PKNOX2: variants seen among roughly 807,000 people sequenced by gnomAD.
PKNOX2 encodes PBX/knotted 1 homeobox 2, also known as homeobox protein PKNOX2.
Under a neutral mutation model 53.1 loss-of-function variants are expected in PKNOX2, and 14 were observed. That is an observed-to-expected ratio of 0.26 (90% CI 0.17 to 0.41). The LOEUF is 0.41. PKNOX2 is among the 10% of genes least tolerant of loss of function. The probability of loss-of-function intolerance (pLI) is 1.00; values close to 1 mark genes in which losing one functional copy is unlikely to be tolerated. For missense variants in PKNOX2, 496 were observed against 602.8 expected (o/e 0.82, Z 1.85); for synonymous variants, 257 against 242.8 (o/e 1.06, Z -0.54).
chr11:125,332,992 C>A (rs1236705279), intron 3 of PKNOX2, among the ~76,000 whole-genome samples: 2 of 152,124 alleles, frequency 1.3e-5, no homozygotes, highest in African/African-American at 4.8e-5. Context: ...TGGCTCCTCG[C>A]GGTGGAAGCT....
intron 2 of PKNOX2, among the ~76,000 whole-genome samples, chr11:125,316,067 G>A (rs1949165454): frequency 6.6e-6 from 1 of 152,204 alleles, no homozygotes; most frequent in South Asian, 2.1e-4. Flanking sequence ...AAGGATGGAG[G>A]ACGGACCCAG....
intron 2 of PKNOX2, among the ~76,000 whole-genome samples, chr11:125,307,073 G>A (rs755371687): frequency 1.3e-5 from 2 of 151,940 alleles, no homozygotes; most frequent in Admixed American, 6.6e-5. Context: ...TTTGTTTTTC[G>A]TTTCTGTGTC....
At chr11:125,371,581 G>C (rs997629479) in intron 5 of PKNOX2, among the ~76,000 whole-genome samples, 2 of 152,078 alleles carry the variant, frequency 1.3e-5, no homozygotes, top group African/African-American at 4.8e-5. Flanking sequence ...AAGTGAGTGG[G>C]TTCCCATGGA....
At chr11:125,341,018 C>T (rs1950654372) in intron 3 of PKNOX2, among the ~76,000 whole-genome samples, 2 of 137,824 alleles carry the variant, frequency 1.5e-5, no homozygotes, top group African/African-American at 5.5e-5. Flanking sequence ...CCACTGCACT[C>T]CAGCCTGGGT....
In PKNOX2 at chr11:125,337,556, T is replaced by G. The variant is rs760320662; in HGVS notation, c.-23+5631T>G. Among the ~76,000 whole-genome samples, 4 of 152,210 alleles carry G rather than the reference T, an allele frequency of 2.6e-5. No homozygotes were observed. In the South Asian group the frequency reaches 8.3e-4, roughly 31 times the overall value. ...TGCAATGAGGATCCATGGGAACATG[T>G]GGTTCTCTCTTCTTTTCCCATTAAA... On this transcript the variant is annotated intron_variant, in intron 3 of 12. Transcript: ENST00000298282.
chr11:125,267,859 G>A (rs1001192515), intron 2 of PKNOX2, among the ~76,000 whole-genome samples: 1 of 152,184 alleles, frequency 6.6e-6, no homozygotes, highest in South Asian at 2.1e-4. Flanking sequence ...AATTGTCTTC[G>A]ATCAGAGGCC....
At chr11:125,333,237 G>GTT (rs1950237853) in intron 3 of PKNOX2, among the ~76,000 whole-genome samples, 2 of 152,300 alleles carry the variant, frequency 1.3e-5, no homozygotes, top group Non-Finnish European at 2.9e-5. Flanking sequence ...TGATGCCCAA[G>GTT]TTCAGTGGCT....
intron 1 of PKNOX2, among the ~76,000 whole-genome samples, chr11:125,182,325 C>T (rs1956201602): frequency 6.6e-6 from 1 of 152,130 alleles, no homozygotes. Flanking sequence ...TAAAGGCTGT[C>T]CCATTGCTCC....
At chr11:125,390,287 G>A (rs1013670194) in intron 6 of PKNOX2, among the ~76,000 whole-genome samples, 8 of 152,236 alleles carry the variant, frequency 5.3e-5, no homozygotes, top group African/African-American at 1.9e-4. Context: ...GGCAAGAGAT[G>A]CAGTCACCAT....
intron 1 of PKNOX2, among the ~76,000 whole-genome samples, chr11:125,196,072 C>T (rs1479709986): frequency 6.6e-6 from 1 of 152,112 alleles, no homozygotes; most frequent in Non-Finnish European, 1.5e-5. Context: ...TTGGCTCTGT[C>T]TTTAGGCATT....
rs1954911835 is a variant in PKNOX2 at position 125,166,794 on chromosome 11, T to C, written c.-201+2018T>C. On this transcript the variant is annotated intron_variant, in intron 1 of 12. Transcript: ENST00000298282. The surrounding 1 kb of genome is among the most constrained non-coding windows in gnomAD (Gnocchi z 4.0). The stretch of plus-strand genomic sequence containing the variant: ...TGGTGCGCCCGGGGGAGGAGGAAGC[T>C]TGGAGTGCCCTACTGTCATCTCTCC... Among the ~76,000 whole-genome samples the C allele has an allele frequency of 6.6e-6, 1 of 152,130 alleles. No homozygotes were observed. Among genetic ancestry groups the C allele is most frequent in the African/African-American group, 2.4e-5 (1 of 41,426 alleles).
At chr11:125,393,432 C>T (rs984660016) in intron 6 of PKNOX2, among the ~76,000 whole-genome samples, 4 of 152,100 alleles carry the variant, frequency 2.6e-5, no homozygotes, top group Non-Finnish European at 5.9e-5. Context: ...AGGTCCGAGG[C>T]AACAAGGTCA....
chr11:125,205,898 A>G (rs1227319287), intron 1 of PKNOX2, among the ~76,000 whole-genome samples: 1 of 152,156 alleles, frequency 6.6e-6, no homozygotes, highest in Non-Finnish European at 1.5e-5. Context: ...TTAAATAATA[A>G]TGAAGATTAC....
In PKNOX2 at chr11:125,406,298, C is replaced by T. The variant is rs555108951; in HGVS notation, c.589-3898C>T. Among the ~76,000 whole-genome samples, 5 of 152,318 alleles carry T rather than the reference C, an allele frequency of 3.3e-5. No homozygotes were observed. In the South Asian group the frequency reaches 1.0e-3, roughly 32 times the overall value. ...CTAAGCCTGGACTGGAAATCGCAGC[C>T]AAGTGGAGTTGTGGGGCTAGTCAGA... is the stretch of plus-strand genomic sequence containing the variant. On this transcript the variant is annotated intron_variant, in intron 7 of 12. Coordinates refer to ENST00000298282, the MANE Select transcript of PKNOX2 (RefSeq NM_001382323.2).
At chr11:125,201,385 GAA>G (rs3083786) in intron 1 of PKNOX2, among the ~76,000 whole-genome samples, 101,753 of 150,486 alleles carry the variant, frequency 0.68, 34,369 homozygotes, top group East Asian at 0.76. Flanking sequence ...TTCCTTGGTA[GAA>G]AAAAAAAAAG....
chr11:125,337,327 C>T (rs1565500106), intron 3 of PKNOX2, among the ~76,000 whole-genome samples: 2 of 152,186 alleles, frequency 1.3e-5, no homozygotes, highest in Admixed American at 6.5e-5. Flanking sequence ...TCCGCCTCTT[C>T]GGATTTCTTC....
intron 6 of PKNOX2, among the ~76,000 whole-genome samples, chr11:125,389,194 C>T (rs1953861123): frequency 7.9e-6 from 1 of 127,038 alleles, no homozygotes; most frequent in African/African-American, 3.4e-5. Context: ...GACTCCATTT[C>T]AAAAACAAAC....
At chr11:125,186,059 T>TC (rs1956430188) in intron 1 of PKNOX2, among the ~76,000 whole-genome samples, 1 of 152,188 alleles carries the variant, frequency 6.6e-6, no homozygotes, top group South Asian at 2.1e-4. Flanking sequence ...GTTTTTTTTT[T>TC]AATTGTAGCC....
intron 1 of PKNOX2, among the ~76,000 whole-genome samples, chr11:125,171,205 T>A (rs1406698254): frequency 6.6e-6 from 1 of 152,222 alleles, no homozygotes; most frequent in Non-Finnish European, 1.5e-5. Context: ...TGGGCAGGTG[T>A]CCTGCCTTGC....
Sources: allele counts gnomAD v4.1 joint callset (sites outside exome capture counted in the v4.1 genomes callset), GRCh38; gene constraint gnomAD v4.1.1; non-coding constraint Gnocchi (gnomAD v3.1); transcripts MANE v1.5; gene names NCBI Gene and HGNC (gene_info 2026-07-23, HGNC 2026-07-21).